Variants in MAP2K2 observed in about 807,000 individuals in gnomAD.
The protein encoded by MAP2K2 is mitogen-activated protein kinase kinase 2, also known as dual specificity mitogen-activated protein kinase kinase 2.
Under a neutral mutation model 43.7 loss-of-function variants are expected in MAP2K2, and 24 were observed. That is an observed-to-expected ratio of 0.55 (90% CI 0.40 to 0.77). The LOEUF (loss-of-function observed/expected upper bound fraction) is 0.77. Among genes scored for constraint, MAP2K2 ranks in the 30% least tolerant of loss-of-function variants. MAP2K2 has a pLI of 0.00. For synonymous variants in MAP2K2, 244 were observed against 239.7 expected (o/e 1.02, Z -0.17); for missense variants, 470 against 566.8 (o/e 0.83, Z 1.73).
At chr19:4,112,962 G>A (rs193071736) in intron 2 of MAP2K2, among the ~76,000 whole-genome samples, 12 of 152,320 alleles carry the variant, frequency 7.9e-5, no homozygotes, top group South Asian at 2.1e-4. Context: ...TTGAAGCTTG[G>A]TGCGTGTTTT....
chr19:4,094,203 C>T (rs934124862), intron 10 of MAP2K2, among the ~76,000 whole-genome samples: 3 of 152,148 alleles, frequency 2.0e-5, no homozygotes, highest in South Asian at 2.1e-4. Context: ...GCAGGAGCGG[C>T]GGAGCTCAGA....
At chr19:4,123,759 C>A in intron 1 of MAP2K2, 25 bp downstream of exon 1, 1 of 1,521,132 alleles carries the variant, frequency 6.6e-7, no homozygotes, top group Non-Finnish European at 8.8e-7. Context: ...CACCCCAAGC[C>A]TCCGGCTGAC....
chr19:4,091,680 GCT>G (rs1398502882), intron 10 of MAP2K2, among the ~76,000 whole-genome samples: 2 of 144,988 alleles, frequency 1.4e-5, no homozygotes, highest in Non-Finnish European at 3.0e-5. Context: ...AGACAGTCTT[GCT>G]CTGTCGCACA....
intron 9 of MAP2K2, 99 bp from the exon 10 acceptor site, chr19:4,094,597 AG>A: frequency 8.6e-7 from 1 of 1,168,190 alleles, no homozygotes; most frequent in Admixed American, 2.0e-5. Flanking sequence ...CCGTGGTCGG[AG>A]GGGGCCTGGA....
intron 2 of MAP2K2, 94 bp from the exon 3 acceptor site, chr19:4,110,749 G>C (rs1398406741): frequency 3.2e-5 from 45 of 1,398,526 alleles, no homozygotes; most frequent in Middle Eastern, 1.8e-4. Flanking sequence ...TCCCAACAGT[G>C]GTCAAGACCA....
At chr19:4,120,001 G>A (rs1296985148) in intron 1 of MAP2K2, among the ~76,000 whole-genome samples, 1 of 152,278 alleles carries the variant, frequency 6.6e-6, no homozygotes, top group Non-Finnish European at 1.5e-5. Flanking sequence ...GAAGGCAGGG[G>A]CCTGGGCACC....
At chr19:4,092,709 C>T (rs763201559) in intron 10 of MAP2K2, among the ~76,000 whole-genome samples, 42 of 152,142 alleles carry the variant, frequency 2.8e-4, no homozygotes, top group Non-Finnish European at 5.3e-4. Flanking sequence ...CCTCAGAGAG[C>T]CATCCCCCTA....
In MAP2K2 at chr19:4,115,588, AC is replaced by A. The variant is rs2041210409; in HGVS notation, c.303+1830del. ...CGGTTTGGAAGAGGCTGCCTGCAGT[AC>A]GGGGACAGAAATAGCAAGTCCGCGG... On this transcript the variant is annotated intron_variant, in intron 2 of 10. Transcript: ENST00000262948. This position sits in a 1 kb window ranked among gnomAD's most constrained non-coding sequence, Gnocchi z 4.1. 2.0e-5 allele frequency among the ~76,000 whole-genome samples: 3 copies of A among 152,214 alleles called. No homozygotes were observed. Among genetic ancestry groups the A allele is most frequent in the Admixed American group, 2.0e-4 (3 of 15,276 alleles).
intron 6 of MAP2K2, chr19:4,100,628 C>T (rs548548040): frequency 4.6e-5 from 12 of 259,120 alleles, no homozygotes; most frequent in Admixed American, 1.0e-4. Context: ...GCAGCCTGGG[C>T]AATACAGCGA....
At chr19:4,095,141 C>G in intron 9 of MAP2K2, 1 of 495,246 alleles carries the variant, frequency 2.0e-6, no homozygotes, top group Non-Finnish European at 3.7e-6. Flanking sequence ...GCTGGGGACA[C>G]CGTCATGTGC....
intron 10 of MAP2K2, 141 bp from the exon 11 acceptor site, chr19:4,090,849 G>C (rs1404580615): frequency 4.2e-6 from 3 of 715,068 alleles, no homozygotes; most frequent in South Asian, 1.5e-5. Context: ...ACAGGAAGAC[G>C]CACTCGGGGT....
chr19:4,123,684 T>G, intron 1 of MAP2K2, 100 bp downstream of exon 1: 7 of 349,108 alleles, frequency 2.0e-5, no homozygotes, highest in Non-Finnish European at 3.0e-5. Flanking sequence ...CCCCCCTGCC[T>G]CGTGCACTCC....
In MAP2K2 at chr19:4,111,990, C is replaced by CAA. The variant is rs202088459; in HGVS notation, c.304-1337_304-1336dup. Among the ~76,000 whole-genome samples, 387 of 151,956 alleles carry CAA rather than the reference C, an allele frequency of 2.5e-3. 2 individuals are homozygous for CAA. The highest frequency in any genetic ancestry group is 9.2e-3 in the African/African-American group (381 of 41,286). On this transcript the variant is annotated intron_variant, in intron 2 of 10. Transcript: ENST00000262948. ...CAAAAAAACAAAACAACAACAACAA[C>CAA]AACAACAAAAACACCACGGGCAACC...
intron 6 of MAP2K2, 106 bp downstream of exon 6, chr19:4,100,913 G>T (rs1203342017): frequency 7.7e-7 from 1 of 1,300,546 alleles, no homozygotes; most frequent in South Asian, 1.3e-5. Context: ...CAGGAGACAT[G>T]GGGGTGAGAG....
intron 1 of MAP2K2, among the ~76,000 whole-genome samples, chr19:4,121,156 C>T (rs1483746913): frequency 2.0e-5 from 3 of 151,960 alleles, no homozygotes; most frequent in East Asian, 1.9e-4. Flanking sequence ...TCCCCTCCCT[C>T]GTCCTGGAGC....
At chr19:4,113,130 G>A (rs867555666) in intron 2 of MAP2K2, among the ~76,000 whole-genome samples, 4 of 152,144 alleles carry the variant, frequency 2.6e-5, no homozygotes, top group African/African-American at 7.2e-5. Context: ...TCGGCTGGCC[G>A]TCGCAAGTCG....
Position 4,123,810 on chromosome 19 carries a change from T to A in MAP2K2, c.66A>T (p.Pro22=). Reference sequence around the variant, plus strand: ...CGGAGGCGCCCTCGCTGGTAGGGGATGGGCCCTCGGCGATGGTAGGGTTGA... The same window carrying A: ...CGGAGGCGCCCTCGCTGGTAGGGGAAGGGCCCTCGGCGATGGTAGGGTTGA... ...LTINPTIAEG[P]SPTSEGASEA... The change falls in exon 1 of 11, where the codon CCA becomes CCT. Residue 22 remains proline, a synonymous_variant. Coordinates refer to ENST00000262948, the MANE Select transcript of MAP2K2 (RefSeq NM_030662.4). 6.4e-7 allele frequency: 1 copy of A among 1,566,378 alleles called. No individual in the cohort carries two copies.
intron 2 of MAP2K2, among the ~76,000 whole-genome samples, chr19:4,111,335 T>G (rs1462549493): frequency 6.6e-6 from 1 of 152,180 alleles, no homozygotes; most frequent in Non-Finnish European, 1.5e-5. Flanking sequence ...AGCAAACACT[T>G]AATTCCCACT....
At position 4,099,486 on chromosome 19, in the gene MAP2K2, G is replaced by A. The variant is rs541608579; in HGVS notation, c.706-72C>T. ...AGCTGGAACCCGGGAGGCTTGCCCC[G>A]TTACAGCCCCCGTCACCCTCTCCAT... is the stretch of plus-strand genomic sequence containing the variant. On this transcript the variant is annotated intron_variant, in intron 6 of 10. Coordinates refer to ENST00000262948, the MANE Select transcript of MAP2K2 (RefSeq NM_030662.4). 883 of 1,226,998 alleles carry A rather than the reference G, an allele frequency of 7.2e-4. 3 individuals carry two copies. In the African/African-American group the frequency reaches 0.012, roughly 17 times the overall value. The allele number at this position is 1,226,998 out of a possible 1,614,324, so 76.0% of individuals were successfully genotyped here. A position where few individuals can be genotyped will look rare whatever the true frequency, so the allele number is the denominator to read the frequency against.
Sources: allele counts gnomAD v4.1 joint callset (sites outside exome capture counted in the v4.1 genomes callset), GRCh38; gene constraint gnomAD v4.1.1; non-coding constraint Gnocchi (gnomAD v3.1); transcripts MANE v1.5; gene names NCBI Gene and HGNC (gene_info 2026-07-23, HGNC 2026-07-21).